The following UGGT2 variants were observed in gnomAD, a reference collection of about 807,000 sequenced individuals.
UGGT2 encodes the protein UDP-glucose:glycoprotein glucosyltransferase 2.
In UGGT2, 180 loss-of-function variants were observed where a neutral mutation model predicts 192.1. That is an observed-to-expected ratio of 0.94 (90% CI 0.83 to 1.06). UGGT2 has a LOEUF of 1.06. Among genes scored for constraint, UGGT2 ranks in the 50% least tolerant of loss-of-function variants. The pLI is 0.00. For synonymous variants in UGGT2, 580 were observed against 591.0 expected, an observed-to-expected ratio of 0.98 and a Z score of 0.27; for missense variants, 1,849 against 1,795.7, an observed-to-expected ratio of 1.03 and a Z score of -0.54.
intron 10 of UGGT2, among the ~76,000 whole-genome samples, chr13:95,973,989 TATG>T (rs536150663): frequency 1.3e-3 from 197 of 152,294 alleles, no homozygotes; most frequent in Non-Finnish European, 2.3e-3. Context: ...TTCAACATCA[TATG>T]ATAAGTCACA....
At chr13:95,923,994 T>C (rs926155793) in intron 20 of UGGT2, among the ~76,000 whole-genome samples, 2 of 152,210 alleles carry the variant, frequency 1.3e-5, no homozygotes, top group Non-Finnish European at 1.5e-5. Flanking sequence ...AATGAAATGA[T>C]GATTTGATTA....
At chr13:95,849,869 T>C (rs903495584) in intron 36 of UGGT2, among the ~76,000 whole-genome samples, 5 of 149,110 alleles carry the variant, frequency 3.4e-5, no homozygotes, top group Non-Finnish European at 7.4e-5. Context: ...CTTTTATATA[T>C]TAATTATATA....
At chr13:95,803,243 G>A (rs1421710881) in intron 38 of UGGT2, among the ~76,000 whole-genome samples, 3 of 152,048 alleles carry the variant, frequency 2.0e-5, no homozygotes, top group East Asian at 1.9e-4. Context: ...GAGAGAGGGG[G>A]AAAGAGGTTT....
chr13:95,855,957 TG>T (rs2140051048), intron 34 of UGGT2, among the ~76,000 whole-genome samples, 200 bp downstream of exon 34: 1 of 152,324 alleles, frequency 6.6e-6, no homozygotes, highest in South Asian at 2.1e-4. Flanking sequence ...AAATAATAAA[TG>T]GTACTTCTTA....
chr13:96,033,228 G>C (rs1308181472), intron 1 of UGGT2, among the ~76,000 whole-genome samples: 5 of 152,192 alleles, frequency 3.3e-5, no homozygotes. Context: ...GTAATTTATA[G>C]ATTCAATGCT....
At chr13:95,959,023 A>G (rs2050303481) in intron 12 of UGGT2, among the ~76,000 whole-genome samples, 1 of 152,220 alleles carries the variant, frequency 6.6e-6, no homozygotes, top group South Asian at 2.1e-4. Flanking sequence ...CAAACCCCTG[A>G]GTCCTAAGCC....
chr13:95,907,203 G>C lies in UGGT2; in HGVS notation c.2296-4143C>G, dbSNP rs745492609. Among the ~76,000 whole-genome samples the C allele has an allele frequency of 1.1e-4, 16 of 152,340 alleles. No homozygotes were observed. In the Middle Eastern group the frequency reaches 0.01, roughly 97 times the overall value. On this transcript the variant is annotated intron_variant, in intron 20 of 38. Transcript: ENST00000376747. ...AACTGCAAGCTGGCAGCCTGGCTGG[G>C]GGAGGGGCGTCCACCATTGCTGAGG...
At chr13:95,825,084 T>C (rs1885886100) in intron 38 of UGGT2, among the ~76,000 whole-genome samples, 1 of 152,322 alleles carries the variant, frequency 6.6e-6, no homozygotes, top group South Asian at 2.1e-4. Flanking sequence ...TCAGATGTGG[T>C]TGTAATAGTC....
intron 5 of UGGT2, among the ~76,000 whole-genome samples, chr13:96,012,855 C>T (rs2052207238): frequency 6.6e-6 from 1 of 151,850 alleles, no homozygotes. Flanking sequence ...GTGATAGTGT[C>T]ATAGCAACGG....
intron 20 of UGGT2, among the ~76,000 whole-genome samples, chr13:95,920,992 A>T (rs1322366384): frequency 6.6e-6 from 1 of 152,208 alleles, no homozygotes; most frequent in Non-Finnish European, 1.5e-5. Context: ...ATACATATAC[A>T]CCATGGAATA....
At position 95,957,150 on chromosome 13, in the gene UGGT2, C is replaced by T. The variant is rs1594434080; in HGVS notation, c.1336-7696G>A. On this transcript the variant is annotated intron_variant, in intron 12 of 38. Coordinates refer to ENST00000376747, the MANE Select transcript of UGGT2 (RefSeq NM_020121.4). ...TAATAAAGACAGAAAGTAGATAGAG[C>T]TTACCAGAGTCTTCAGGAAGAAGGG... Among the ~76,000 whole-genome samples the T allele has an allele frequency of 2.0e-5, 3 of 152,246 alleles. No individual in the cohort carries two copies. The South Asian group carries it at 6.2e-4, about 32-fold the overall frequency.
intron 33 of UGGT2, among the ~76,000 whole-genome samples, chr13:95,857,540 AGAG>A (rs1424907858): frequency 6.6e-6 from 1 of 152,190 alleles, no homozygotes; most frequent in Non-Finnish European, 1.5e-5. Context: ...TTGAATGAAG[AGAG>A]GAGGTTTGAC....
At chr13:95,993,716 T>G (rs981312070) in intron 7 of UGGT2, among the ~76,000 whole-genome samples, 1 of 152,172 alleles carries the variant, frequency 6.6e-6, no homozygotes, top group Non-Finnish European at 1.5e-5. Flanking sequence ...ATCCTTACTG[T>G]CTATAGTTAT....
chr13:95,906,533 A>G (rs2048296578), intron 20 of UGGT2, among the ~76,000 whole-genome samples: 1 of 152,180 alleles, frequency 6.6e-6, no homozygotes, highest in Non-Finnish European at 1.5e-5. Context: ...GAAGACAAGG[A>G]AAAAGAAACA....
intron 2 of UGGT2, among the ~76,000 whole-genome samples, chr13:96,027,424 T>C (rs2052702278): frequency 6.6e-6 from 1 of 152,230 alleles, no homozygotes; most frequent in Admixed American, 6.5e-5. Context: ...TTTGGCTGAT[T>C]TGTTAAATAA....
intron 1 of UGGT2, among the ~76,000 whole-genome samples, chr13:96,037,349 C>A (rs1475341287): frequency 6.6e-6 from 1 of 152,178 alleles, no homozygotes; most frequent in Non-Finnish European, 1.5e-5. Flanking sequence ...TAGGCATGTG[C>A]CACCACACGC....
intron 10 of UGGT2, among the ~76,000 whole-genome samples, chr13:95,978,382 A>C (rs1203901069): frequency 6.6e-6 from 1 of 151,980 alleles, no homozygotes; most frequent in Admixed American, 6.6e-5. Flanking sequence ...TAGATTATTC[A>C]TTGTTTTGCT....
At chr13:95,958,903 A>T (rs901443133) in intron 12 of UGGT2, among the ~76,000 whole-genome samples, 2 of 152,176 alleles carry the variant, frequency 1.3e-5, no homozygotes, top group Non-Finnish European at 2.9e-5. Flanking sequence ...CTACCAACCT[A>T]ACCATGGAAA....
intron 38 of UGGT2, among the ~76,000 whole-genome samples, chr13:95,825,822 G>A (rs1885980269): frequency 6.6e-6 from 1 of 152,054 alleles, no homozygotes; most frequent in African/African-American, 2.4e-5. Context: ...GAAAGATCTG[G>A]GACTCAAGGC....
Sources: allele counts gnomAD v4.1 joint callset (sites outside exome capture counted in the v4.1 genomes callset), GRCh38; gene constraint gnomAD v4.1.1; transcripts MANE v1.5; gene names NCBI Gene and HGNC (gene_info 2026-07-23, HGNC 2026-07-21).